Variants in TRIM14 observed in about 807,000 individuals in gnomAD.
TRIM14 encodes the protein tripartite motif containing 14, also known as tripartite motif-containing protein 14.
A neutral mutation model predicts 44.5 loss-of-function variants in TRIM14; 28 were observed. The observed-to-expected ratio is 0.63, with a 90% CI of 0.47 to 0.86. TRIM14 has a LOEUF of 0.86. Among genes scored for constraint, TRIM14 ranks in the 40% least tolerant of loss-of-function variants. TRIM14 has a pLI of 0.00. For synonymous variants in TRIM14, 299 were observed against 269.2 expected, an observed-to-expected ratio of 1.11 and a Z score of -1.08; for missense variants, 607 against 611.1, an observed-to-expected ratio of 0.99 and a Z score of 0.07.
chr9:98,119,164 G>A lies in TRIM14; in HGVS notation c.25C>T (p.Arg9Trp), dbSNP rs375310781. The change falls in exon 1 of 6, where the codon CGG becomes TGG. Residue 9 changes from arginine (R) to tryptophan (W), a missense_variant. By Grantham distance (101) the Arg-to-Trp change is moderately radical. Coordinates refer to ENST00000341469, the MANE Select transcript of TRIM14 (RefSeq NM_014788.4). MAGAATGS[R>W]TPGRSELVEG... is the part of the protein sequence containing the mutation. ...ACAAGCTCCGACCTCCCAGGGGTCC[G>A]GCTCCCGGTCGCCGCGCCCGCCATT... The A allele has an allele frequency of 3.5e-5, 56 of 1,578,768 alleles. No homozygotes were observed. Among genetic ancestry groups the A allele is most frequent in the Non-Finnish European group, 4.5e-5 (53 of 1,172,638 alleles).
At chr9:98,073,685 CCT>C (rs779299383) in intron 6 of TRIM14, among the ~76,000 whole-genome samples, 3 of 151,994 alleles carry the variant, frequency 2.0e-5, no homozygotes, top group Non-Finnish European at 4.4e-5. Context: ...TTTCCTTACC[CCT>C]GACTCAGATC....
chr9:98,047,825 AG>A, the TRIM14 span, among the ~76,000 whole-genome samples: 2 of 151,802 alleles, frequency 1.3e-5, no homozygotes, highest in African/African-American at 2.4e-5. Context: ...CAGCACTTTG[AG>A]GGGGTCAAGG....
At chr9:98,102,698 T>C (rs1380483664) in intron 2 of TRIM14, among the ~76,000 whole-genome samples, 1 of 151,998 alleles carries the variant, frequency 6.6e-6, no homozygotes, top group African/African-American at 2.4e-5. Flanking sequence ...TGGGGAGTAA[T>C]TGCTTGATGG....
At position 98,110,052 on chromosome 9, in the gene TRIM14, G is replaced by T. The variant is rs746719450; in HGVS notation, c.208-68C>A. ...TTTCCAAATAACAGGCCCCCCACAG[G>T]GGTCACCTCCTCTTACCCTTGTATT... On this transcript the variant is annotated intron_variant, in intron 1 of 5. Transcript: ENST00000341469. 184 of 1,198,626 alleles carry T rather than the reference G, an allele frequency of 1.5e-4. 1 individual carries two copies. Among genetic ancestry groups the T allele is most frequent in the Middle Eastern group, 7.5e-4 (4 of 5,324 alleles). 74.2% of individuals were successfully genotyped at this position (1,198,626 alleles called of 1,614,324 possible).
At chr9:98,061,729 G>A in the TRIM14 span, among the ~76,000 whole-genome samples, 32 of 151,196 alleles carry the variant, frequency 2.1e-4, no homozygotes, top group South Asian at 5.7e-3. Flanking sequence ...GCAGTAAGCC[G>A]AGATCGCGCC....
chr9:98,063,568 A>G, the TRIM14 span, among the ~76,000 whole-genome samples: 2 of 145,158 alleles, frequency 1.4e-5, no homozygotes, highest in Admixed American at 7.0e-5. Flanking sequence ...TTGAGATGGG[A>G]TCTTGTTTTG....
chr9:98,073,868 C>A (rs1403790418), intron 6 of TRIM14, among the ~76,000 whole-genome samples: 1 of 152,110 alleles, frequency 6.6e-6, no homozygotes. Context: ...CTCAGTGCAG[C>A]CTCAACCTCC....
chr9:98,102,025 A>AG (rs1011072573), intron 2 of TRIM14, among the ~76,000 whole-genome samples: 7 of 150,762 alleles, frequency 4.6e-5, no homozygotes, highest in African/African-American at 1.7e-4. Flanking sequence ...AAAAAAAAAA[A>AG]GAAAAGAAAA....
chr9:98,040,590 C>T, the TRIM14 span, among the ~76,000 whole-genome samples: 1 of 152,066 alleles, frequency 6.6e-6, no homozygotes, highest in Non-Finnish European at 1.5e-5. Context: ...CCTCTCCACT[C>T]AAGACCTCTG....
At chr9:98,042,871 A>AT in the TRIM14 span, among the ~76,000 whole-genome samples, 1 of 150,820 alleles carries the variant, frequency 6.6e-6, no homozygotes. Context: ...TCTACCTCAA[A>AT]AAAAAAAAAA....
the TRIM14 span, among the ~76,000 whole-genome samples, chr9:98,054,686 T>G: frequency 6.6e-6 from 1 of 152,156 alleles, no homozygotes; most frequent in Middle Eastern, 3.2e-3. Flanking sequence ...ACTCCATACA[T>G]ATTGGGCTAG....
chr9:98,073,124 T>TC (rs1247249301), intron 6 of TRIM14, among the ~76,000 whole-genome samples: 1 of 152,072 alleles, frequency 6.6e-6, no homozygotes, highest in African/African-American at 2.4e-5. Flanking sequence ...ACAGTGGCCA[T>TC]CCCAGCAAAG....
At position 98,109,943 on chromosome 9, in the gene TRIM14, C is replaced by T. The variant is rs1348335355; in HGVS notation, c.249G>A (p.Lys83=). The part of the protein sequence containing the change: ...QECLKQLAIK[K]QQHIDNITQI... ...GGGTTATGTTGTCAATGTGCTGCTG[C>T]TTCTTGATTGCCAGCTGCTTTAAAC... Residue 83 remains lysine (K), a synonymous_variant, in exon 2 of 6, where the codon AAG becomes AAA. Transcript: ENST00000341469. The T allele has an allele frequency of 6.2e-7, 1 of 1,614,000 alleles. No homozygotes were observed. The highest frequency in any genetic ancestry group is 1.7e-5 in the Admixed American group (1 of 60,002).
chr9:98,082,556 C>T (rs1403272886), downstream of TRIM14, among the ~76,000 whole-genome samples: 2 of 152,240 alleles, frequency 1.3e-5, no homozygotes, highest in Non-Finnish European at 2.9e-5. Flanking sequence ...GAAACTAAAA[C>T]GTGGCCTATA....
chr9:98,067,887 A>T (rs1380496925), downstream of TRIM14, among the ~76,000 whole-genome samples: 1 of 151,952 alleles, frequency 6.6e-6, no homozygotes, highest in African/African-American at 2.4e-5. Flanking sequence ...AGACTCAGCT[A>T]ATTTTTGTAT....
At chr9:98,094,752 C>A in intron 4 of TRIM14, 115 bp downstream of exon 4, 1 of 1,306,804 alleles carries the variant, frequency 7.7e-7, no homozygotes. Flanking sequence ...GACCGCCCAG[C>A]CAAGGGCCTC....
At chr9:98,112,404 A>C (rs1229070291) in intron 1 of TRIM14, among the ~76,000 whole-genome samples, 2 of 152,222 alleles carry the variant, frequency 1.3e-5, no homozygotes, top group African/African-American at 4.8e-5. Flanking sequence ...GCCAAAATAA[A>C]AAGGAAGTAT....
downstream of TRIM14, among the ~76,000 whole-genome samples, chr9:98,065,733 C>T (rs1261933639): frequency 2.0e-5 from 3 of 151,682 alleles, no homozygotes; most frequent in African/African-American, 2.4e-5. Context: ...AGAATTCCCA[C>T]GTGTTGTGGG....
chr9:98,106,897 G>A (rs890332204), intron 2 of TRIM14, among the ~76,000 whole-genome samples: 1 of 143,564 alleles, frequency 7.0e-6, no homozygotes, highest in Non-Finnish European at 1.5e-5. Flanking sequence ...TATGGTCATT[G>A]CTCACTGCAA....
Sources: gnomAD v4.1 joint callset for allele counts (sites outside exome capture counted in the v4.1 genomes callset) on GRCh38, gnomAD v4.1.1 for gene constraint, MANE v1.5 for transcripts, NCBI Gene and HGNC (gene_info 2026-07-23, HGNC 2026-07-21) for gene names.